Variants in FHIT observed in about 807,000 individuals in gnomAD.
FHIT encodes bis(5'-adenosyl)-triphosphatase.
In FHIT, 19 loss-of-function variants were observed where a neutral mutation model predicts 17.9. That is an observed-to-expected ratio of 1.06 (90% CI 0.74 to 1.56). The LOEUF (loss-of-function observed/expected upper bound fraction) is 1.56, where lower values mean the gene tolerates loss of function less well. Among genes scored for constraint, FHIT ranks in the 40% most tolerant of loss-of-function variants. The pLI, the probability that FHIT is intolerant of heterozygous loss-of-function variation, is 0.00. For synonymous variants in FHIT, 81 were observed against 69.7 expected, an observed-to-expected ratio of 1.16 and a Z score of -0.81; for missense variants, 248 against 189.2, an observed-to-expected ratio of 1.31 and a Z score of -1.82.
chr3:60,366,804 A>G (rs887819747), intron 5 of FHIT, among the ~76,000 whole-genome samples: 3 of 152,204 alleles, frequency 2.0e-5, no homozygotes, highest in Non-Finnish European at 4.4e-5. Flanking sequence ...TTACAACAGC[A>G]GAAAATGGAC....
chr3:60,666,864 CT>C (rs71092626), intron 4 of FHIT, among the ~76,000 whole-genome samples: 12,309 of 122,006 alleles, frequency 0.1, 649 homozygotes, highest in Non-Finnish European at 0.12. Flanking sequence ...CTTTTCTTTT[CT>C]TTTTTTTTTT....
chr3:60,574,312 C>A (rs899644032), intron 4 of FHIT, among the ~76,000 whole-genome samples: 4 of 151,912 alleles, frequency 2.6e-5, no homozygotes, highest in Non-Finnish European at 5.9e-5. Context: ...CTTAAGCCTG[C>A]AATTTAGCTC....
At position 60,339,528 on chromosome 3, in the gene FHIT, C is replaced by T. The variant is rs1429421059; in HGVS notation, c.103+197332G>A. On this transcript the variant is annotated intron_variant, in intron 5 of 9. Transcript: ENST00000492590. ...CAGTTGGCTCTCAACACCTCAAGTACGTGTCAGAGGGACGCGAGCCGATCA... is the reference window on the plus strand; with the variant it reads ...CAGTTGGCTCTCAACACCTCAAGTATGTGTCAGAGGGACGCGAGCCGATCA... Among the ~76,000 whole-genome samples the T allele has an allele frequency of 5.3e-5, 8 of 152,144 alleles. No individual in the cohort carries two copies. The East Asian group carries it at 5.8e-4, about 11-fold the overall frequency.
At chr3:60,002,243 C>A in intron 7 of FHIT, among the ~76,000 whole-genome samples, 1 of 152,062 alleles carries the variant, frequency 6.6e-6, no homozygotes, top group African/African-American at 2.4e-5. Flanking sequence ...ATAATATTAT[C>A]TTTATGTTGA....
At chr3:60,154,399 C>A (rs1700594323) in intron 5 of FHIT, among the ~76,000 whole-genome samples, 1 of 152,182 alleles carries the variant, frequency 6.6e-6, no homozygotes, top group South Asian at 2.1e-4. Context: ...CTTTAGAAAT[C>A]AGTCATGAAA....
At chr3:60,338,894 C>G (rs1009697236) in intron 5 of FHIT, among the ~76,000 whole-genome samples, 1 of 152,128 alleles carries the variant, frequency 6.6e-6, no homozygotes, top group Non-Finnish European at 1.5e-5. Context: ...ATGGGCCTGC[C>G]TCAAACCTCA....
In FHIT at chr3:59,808,088, C is replaced by T. The variant is rs1404903261; in HGVS notation, c.349-55767G>A. On this transcript the variant is annotated intron_variant, in intron 8 of 9. Transcript: ENST00000492590. ...ACCCATTAAGTGGTAACTCCCCTTT[C>T]CCCTACCCCCCCAGTCCCTGGCAAC... Among the ~76,000 whole-genome samples, 4 of 150,176 alleles carry T rather than the reference C, an allele frequency of 2.7e-5. No individual in the cohort carries two copies. In the East Asian group the frequency reaches 7.7e-4, roughly 29 times the overall value.
chr3:59,931,965 C>A (rs1292753266), intron 7 of FHIT, among the ~76,000 whole-genome samples: 1 of 135,466 alleles, frequency 7.4e-6, no homozygotes, highest in Non-Finnish European at 1.6e-5. Flanking sequence ...AAATTAAGAT[C>A]TTTTCAAGTA....
At chr3:60,099,979 T>G (rs760122783) in intron 5 of FHIT, among the ~76,000 whole-genome samples, 1 of 152,154 alleles carries the variant, frequency 6.6e-6, no homozygotes, top group Admixed American at 6.5e-5. Flanking sequence ...GTGTGTTGAA[T>G]TCTGTTCAAA....
chr3:59,961,708 C>A (rs1485512687), intron 7 of FHIT, among the ~76,000 whole-genome samples: 2 of 152,176 alleles, frequency 1.3e-5, no homozygotes, highest in Non-Finnish European at 2.9e-5. Context: ...AGGCGACACC[C>A]CACCCTGCTT....
rs144576688 is a variant in FHIT at position 59,910,255 on chromosome 3, G to C, written c.348+12091C>G. The stretch of plus-strand genomic sequence containing the variant: ...GGCAAGAAGACTCTAAGTGGGGAGG[G>C]AGCTTCCAGGGCATAGGTAGATAGG... On this transcript the variant is annotated intron_variant, in intron 8 of 9. Transcript: ENST00000492590. Among the ~76,000 whole-genome samples, 181 of 152,318 alleles carry C rather than the reference G, an allele frequency of 1.2e-3. 1 individual carries two copies. The highest frequency in any genetic ancestry group is 4.2e-3 in the African/African-American group (173 of 41,574).
chr3:60,430,283 C>T (rs1029244828), intron 5 of FHIT, among the ~76,000 whole-genome samples: 1 of 152,060 alleles, frequency 6.6e-6, no homozygotes, highest in Non-Finnish European at 1.5e-5. Context: ...CTTACTAGCA[C>T]TTAACACTGT....
chr3:60,727,613 G>T (rs1317087050), intron 4 of FHIT, among the ~76,000 whole-genome samples: 1 of 152,182 alleles, frequency 6.6e-6, no homozygotes, highest in Non-Finnish European at 1.5e-5. Context: ...TCATCCAAAA[G>T]ATCAAAGAGC....
chr3:60,050,367 T>C (rs1201546591), intron 5 of FHIT, among the ~76,000 whole-genome samples: 1 of 152,200 alleles, frequency 6.6e-6, no homozygotes. Flanking sequence ...AGAAATTTCA[T>C]CTTTTCTACT....
chr3:60,150,406 C>G (rs556337092), intron 5 of FHIT, among the ~76,000 whole-genome samples: 1 of 152,172 alleles, frequency 6.6e-6, no homozygotes, highest in Non-Finnish European at 1.5e-5. Flanking sequence ...GGGGATATGG[C>G]AATGATCTCA....
chr3:60,073,777 C>G (rs1702886905), intron 5 of FHIT, among the ~76,000 whole-genome samples: 1 of 152,118 alleles, frequency 6.6e-6, no homozygotes, highest in Non-Finnish European at 1.5e-5. Context: ...CCACTCCTGC[C>G]CTTTGTAATA....
intron 3 of FHIT, among the ~76,000 whole-genome samples, chr3:60,871,173 T>G (rs1179574908): frequency 2.6e-5 from 4 of 152,150 alleles, no homozygotes; most frequent in Admixed American, 6.6e-5. Context: ...CCATTTTGTA[T>G]CTTCCTTTTT....
intron 3 of FHIT, among the ~76,000 whole-genome samples, chr3:61,036,545 GTAT>G (rs1352770653): frequency 2.0e-5 from 3 of 152,102 alleles, no homozygotes; most frequent in Non-Finnish European, 4.4e-5. Context: ...GACTAGGCTG[GTAT>G]TATAATGACC....
chr3:60,585,230 A>G (rs567876669), intron 4 of FHIT, among the ~76,000 whole-genome samples: 1 of 152,126 alleles, frequency 6.6e-6, no homozygotes, highest in South Asian at 2.1e-4. Flanking sequence ...TAAGCTTTAG[A>G]AAAGGATATC....
Sources: gnomAD v4.1 joint callset for allele counts (sites outside exome capture counted in the v4.1 genomes callset) on GRCh38, gnomAD v4.1.1 for gene constraint, MANE v1.5 for transcripts, NCBI Gene and HGNC (gene_info 2026-07-23, HGNC 2026-07-21) for gene names.